PREX2: variants seen among roughly 807,000 people sequenced by gnomAD.
PREX2 encodes phosphatidylinositol-3,4,5-trisphosphate dependent Rac exchange factor 2.
A neutral mutation model predicts 203.2 loss-of-function variants in PREX2; 107 were observed. The ratio of observed to expected loss-of-function variants is 0.53; its 90% confidence interval spans 0.45 to 0.62. The LOEUF is 0.62. PREX2 is among the 20% of genes least tolerant of loss of function. The probability of loss-of-function intolerance (pLI) is 0.00; values close to 1 mark genes in which losing one functional copy is unlikely to be tolerated. For missense variants in PREX2, 1,777 were observed against 1,955.9 expected, an observed-to-expected ratio of 0.91 and a Z score of 1.72; for synonymous variants, 672 against 663.6, an observed-to-expected ratio of 1.01 and a Z score of -0.19.
chr8:68,011,101 A>G (rs1245885711), intron 1 of PREX2, among the ~76,000 whole-genome samples: 1 of 152,212 alleles, frequency 6.6e-6, no homozygotes, highest in Admixed American at 6.5e-5. Context: ...ATCTCTAACA[A>G]AAGATATCAC....
chr8:68,204,737 T>TGG (rs1812579794), intron 37 of PREX2, among the ~76,000 whole-genome samples: 1 of 138,568 alleles, frequency 7.2e-6, no homozygotes, highest in Non-Finnish European at 1.5e-5. Flanking sequence ...CAGGCTAGAG[T>TGG]GCAATGGCGT....
intron 37 of PREX2, among the ~76,000 whole-genome samples, chr8:68,193,307 C>A (rs1040400687): frequency 2.0e-5 from 3 of 152,186 alleles, no homozygotes; most frequent in African/African-American, 7.2e-5. Flanking sequence ...ACAGCCTCTT[C>A]TTCTATTTAT....
At chr8:67,985,354 TATA>T (rs1291007982) in intron 1 of PREX2, among the ~76,000 whole-genome samples, 1 of 137,866 alleles carries the variant, frequency 7.3e-6, no homozygotes, top group Non-Finnish European at 1.5e-5. Flanking sequence ...ATTTTTTTGA[TATA>T]ATATAATATT....
intron 1 of PREX2, among the ~76,000 whole-genome samples, chr8:68,001,254 C>A (rs1806930115): frequency 6.6e-6 from 1 of 151,978 alleles, no homozygotes; most frequent in South Asian, 2.1e-4. Context: ...TAAAAATGAA[C>A]AAACCCATTA....
At chr8:68,158,831 C>T (rs1424663911) in intron 35 of PREX2, among the ~76,000 whole-genome samples, 1 of 152,114 alleles carries the variant, frequency 6.6e-6, no homozygotes, top group Non-Finnish European at 1.5e-5. Context: ...TTCTTAACAG[C>T]ATTGATGATC....
rs1340932395 is a variant in PREX2 at position 68,134,101 on chromosome 8, C to T, written c.3809C>T (p.Thr1270Ile). The T allele has an allele frequency of 3.7e-6, 6 of 1,614,028 alleles. No homozygotes were observed. The East Asian group carries it at 1.3e-4, about 36-fold the overall frequency. ...QLRRDMVFCQ[T>I]LVATVCAFSE... ...CGTAGAGACATGGTTTTCTGCCAGA[C>T]TCTTGTGGCCACTGTCTGTGCCTTC... The change falls in exon 32 of 40, where the codon ACT becomes ATT. Residue 1270 changes from threonine (T) to isoleucine (I), a missense_variant. By Grantham distance (89) the Thr-to-Ile change is moderately conservative (BLOSUM62 -1). Coordinates refer to ENST00000288368, the MANE Select transcript of PREX2 (RefSeq NM_024870.4).
At chr8:68,144,551 A>C (rs916478858) in intron 33 of PREX2, among the ~76,000 whole-genome samples, 13 of 152,146 alleles carry the variant, frequency 8.5e-5, no homozygotes, top group African/African-American at 2.9e-4. Context: ...CCTGAAACCT[A>C]GCTATAATTG....
rs1456416316 is a variant in PREX2, at chr8:68,231,800, A to G, written c.*422A>G. ...TGGAGAGTTCCTCTTGAAGAAGGCC[A>G]TTATTGAAGAAACCTGGCGACATCT... On this transcript the variant is annotated 3_prime_UTR_variant, in exon 40 of 40. Coordinates refer to ENST00000288368, the MANE Select transcript of PREX2 (RefSeq NM_024870.4). The G allele has an allele frequency of 1.2e-5, 2 of 169,624 alleles. No homozygotes were observed. Among genetic ancestry groups the G allele is most frequent in the African/African-American group, 4.8e-5 (2 of 42,018 alleles). The allele number at this position is 169,624 out of a possible 1,614,324, so 10.5% of individuals were successfully genotyped here. A position where few individuals can be genotyped will look rare whatever the true frequency, so the allele number is the denominator to read the frequency against.
chr8:68,205,103 A>G (rs1812592146), intron 37 of PREX2, among the ~76,000 whole-genome samples: 1 of 152,186 alleles, frequency 6.6e-6, no homozygotes, highest in African/African-American at 2.4e-5. Flanking sequence ...CAAGAGTCAA[A>G]TGATCAATCA....
At chr8:67,989,734 C>T (rs1462298636) in intron 1 of PREX2, among the ~76,000 whole-genome samples, 17 of 152,170 alleles carry the variant, frequency 1.1e-4, no homozygotes, top group Non-Finnish European at 2.9e-5. Context: ...CAGTGACCTT[C>T]TGAAGACTCA....
rs996431312 is a variant in PREX2, at chr8:68,232,299, C to T, written c.*921C>T. 3 of 152,068 alleles carry T rather than the reference C, an allele frequency of 2.0e-5. No homozygotes were observed. Among genetic ancestry groups the T allele is most frequent in the Admixed American group, 2.0e-4 (3 of 15,256 alleles). 9.4% of individuals were successfully genotyped at this position (152,068 alleles called of 1,614,324 possible). On this transcript the variant is annotated 3_prime_UTR_variant, in exon 40 of 40. Coordinates refer to ENST00000288368, the MANE Select transcript of PREX2 (RefSeq NM_024870.4). ...GAGGTCAGACTCTTCAAAGAATACA[C>T]CATCATGAGAATTTTTCTGTTAAGA...
At chr8:68,106,798 G>A (rs1247780139) in intron 23 of PREX2, among the ~76,000 whole-genome samples, 1 of 152,028 alleles carries the variant, frequency 6.6e-6, no homozygotes, top group Admixed American at 6.6e-5. Context: ...TAAATAGATA[G>A]GATCATGGTT....
chr8:68,026,416 A>T (rs1052362289), intron 4 of PREX2, among the ~76,000 whole-genome samples: 1 of 152,098 alleles, frequency 6.6e-6, no homozygotes, highest in African/African-American at 2.4e-5. Context: ...CCTCTGTTAG[A>T]TATTTATTAA....
At chr8:67,962,612 T>A (rs921469056) in intron 1 of PREX2, among the ~76,000 whole-genome samples, 2 of 150,572 alleles carry the variant, frequency 1.3e-5, no homozygotes, top group Non-Finnish European at 3.0e-5. Context: ...TTTATTTTTT[T>A]TTTTATTTTT....
intron 1 of PREX2, among the ~76,000 whole-genome samples, chr8:67,989,868 G>A (rs149418216): frequency 1.3e-5 from 2 of 152,310 alleles, no homozygotes; most frequent in East Asian, 1.9e-4. Context: ...TAAATATGCA[G>A]CTGATAGATT....
rs1344207813 is a variant in PREX2, at chr8:68,233,833, T to A, written c.*2455T>A. ...CCAGGAAGTCTGCCTTCTTAATGCA[T>A]TATGCTACTTTTCCTTATCAATATA... On this transcript the variant is annotated 3_prime_UTR_variant, in exon 40 of 40. Coordinates refer to ENST00000288368, the MANE Select transcript of PREX2 (RefSeq NM_024870.4). 2.0e-5 allele frequency: 3 copies of A among 152,308 alleles called. No homozygotes were observed. The East Asian group carries it at 5.8e-4, about 29-fold the overall frequency. 9.4% of individuals were successfully genotyped at this position (152,308 alleles called of 1,614,324 possible). A position where few individuals can be genotyped will look rare whatever the true frequency, so the allele number is the denominator to read the frequency against.
intron 7 of PREX2, among the ~76,000 whole-genome samples, chr8:68,040,880 C>T (rs189787938): frequency 1.3e-5 from 2 of 152,168 alleles, no homozygotes; most frequent in East Asian, 3.9e-4. Context: ...TAGAGCTTAG[C>T]CATCATTAAT....
chr8:68,161,860 G>C (rs28548627), intron 35 of PREX2, among the ~76,000 whole-genome samples: 2,025 of 152,240 alleles, frequency 0.013, 47 homozygotes, highest in African/African-American at 0.044. Context: ...GACATACCCA[G>C]GACTGGGTAA....
chr8:68,082,598 C>G (rs1418955904), intron 17 of PREX2: 18 of 152,246 alleles, frequency 1.2e-4, no homozygotes, highest in Admixed American at 1.2e-3. Context: ...AAAATGCCCT[C>G]TCTCAGGCTT....
Sources: gnomAD v4.1 joint callset for allele counts (sites outside exome capture counted in the v4.1 genomes callset) on GRCh38, gnomAD v4.1.1 for gene constraint, MANE v1.5 for transcripts, NCBI Gene and HGNC (gene_info 2026-07-23, HGNC 2026-07-21) for gene names.